The following ACOT1 variants were observed in gnomAD, a reference collection of about 807,000 sequenced individuals.
ACOT1 encodes acyl-coenzyme A thioesterase 1.
In ACOT1, 8 loss-of-function variants were observed where a neutral mutation model predicts 15.7. That is an observed-to-expected ratio of 0.51 (90% CI 0.30 to 0.92). The LOEUF (loss-of-function observed/expected upper bound fraction) is 0.92. ACOT1 is among the 40% of genes least tolerant of loss of function. ACOT1 has a pLI of 0.06. For missense variants in ACOT1, 151 were observed against 539.4 expected, an observed-to-expected ratio of 0.28 and a Z score of 7.13; for synonymous variants, 67 against 241.2, an observed-to-expected ratio of 0.28 and a Z score of 6.69.
chr14:73,502,949 G>C, the ACOT1 span: 1 of 1,614,064 alleles, frequency 6.2e-7, no homozygotes, highest in South Asian at 1.1e-5. Context: ...CGCCTGTGCA[G>C]CTGCTCTCCT....
chr14:73,522,565 C>G, the ACOT1 span: 1 of 1,614,162 alleles, frequency 6.2e-7, no homozygotes, highest in South Asian at 1.1e-5. Flanking sequence ...TGGCCTCCTT[C>G]TCAGGAGGCA....
the ACOT1 span, among the ~76,000 whole-genome samples, chr14:73,506,131 C>T: frequency 3.9e-5 from 6 of 152,080 alleles, no homozygotes; most frequent in Middle Eastern, 6.8e-3. Flanking sequence ...CCTCGTGATC[C>T]GCCTGCCTTG....
At chr14:73,492,149 A>T in the ACOT1 span, 1 of 1,613,956 alleles carries the variant, frequency 6.2e-7, no homozygotes, top group Non-Finnish European at 8.5e-7. This position sits in a 1 kb window ranked among gnomAD's most constrained non-coding sequence, Gnocchi z 4.9. Flanking sequence ...CCCCAACTTC[A>T]GTCAGGACGA....
upstream of ACOT1, among the ~76,000 whole-genome samples, chr14:73,532,891 C>T (rs1171620865): frequency 1.8e-5 from 2 of 112,666 alleles, no homozygotes; most frequent in Non-Finnish European, 1.9e-5. Flanking sequence ...GGTGGTGGAG[C>T]TTTCAGTGAG....
intron 1 of ACOT1, among the ~76,000 whole-genome samples, chr14:73,541,278 GGTT>G (rs1802027595): frequency 9.0e-6 from 1 of 110,552 alleles, no homozygotes; most frequent in African/African-American, 3.0e-5. Context: ...AGGACATTTG[GGTT>G]GTTTCCAGTC....
chr14:73,535,469 C>CTTTTTTTTTTT (rs869167008), upstream of ACOT1, among the ~76,000 whole-genome samples: 3 of 16,528 alleles, frequency 1.8e-4, no homozygotes, highest in Non-Finnish European at 5.5e-4. Context: ...TTTCTTCTTT[C>CTTTTTTTTTTT]TTTTTTTTTT....
At chr14:73,512,408 TG>T in the ACOT1 span, among the ~76,000 whole-genome samples, 1 of 152,212 alleles carries the variant, frequency 6.6e-6, no homozygotes, top group Non-Finnish European at 1.5e-5. Flanking sequence ...CACTTTTCGT[TG>T]TAACCATCTG....
the ACOT1 span, among the ~76,000 whole-genome samples, chr14:73,505,825 GA>G: frequency 1.3e-5 from 2 of 151,312 alleles, no homozygotes; most frequent in Admixed American, 1.3e-4. Context: ...TGGCGGGGGG[GA>G]AATATGTCAT....
the ACOT1 span, among the ~76,000 whole-genome samples, chr14:73,525,463 T>C: frequency 6.6e-6 from 1 of 152,170 alleles, no homozygotes; most frequent in Admixed American, 6.5e-5. Context: ...GCTTCATCTC[T>C]TCACAACCAT....
chr14:73,502,819 GC>G, the ACOT1 span: 1 of 1,096,990 alleles, frequency 9.1e-7, no homozygotes, highest in Non-Finnish European at 1.4e-6. Flanking sequence ...AGTGTTGGGA[GC>G]CACCTTGCCC....
chr14:73,496,540 G>A, the ACOT1 span: 1 of 1,000,058 alleles, frequency 1.0e-6, no homozygotes, highest in Non-Finnish European at 1.6e-6. Flanking sequence ...GGAGGACAGG[G>A]TCTGAGGAAC....
At chr14:73,518,657 C>T in the ACOT1 span, among the ~76,000 whole-genome samples, 1 of 152,162 alleles carries the variant, frequency 6.6e-6, no homozygotes, top group Non-Finnish European at 1.5e-5. Context: ...GTAGAGCCAG[C>T]CCAAGGGAAA....
At position 73,542,473 on chromosome 14, in the gene ACOT1, C is replaced by T. The variant is rs140094722; in HGVS notation, c.661-577C>T. Among the ~76,000 whole-genome samples, 694 of 96,598 alleles carry T rather than the reference C, an allele frequency of 7.2e-3. 166 individuals are homozygous for T. Among genetic ancestry groups the T allele is most frequent in the African/African-American group, 0.023 (643 of 27,796 alleles). The allele number at this position is 96,598 out of a possible 152,430, so 63.4% of individuals were successfully genotyped here. On this transcript the variant is annotated intron_variant, in intron 2 of 2. Coordinates refer to ENST00000311148, the MANE Select transcript of ACOT1 (RefSeq NM_001037161.2). ...AGGCTGGAGTGCAGTGGCATGATCT[C>T]GGCTTACTGCAACCTCCACCTCCCA...
At chr14:73,494,587 G>A in the ACOT1 span, among the ~76,000 whole-genome samples, 1 of 152,134 alleles carries the variant, frequency 6.6e-6, no homozygotes, top group East Asian at 1.9e-4. Context: ...GTCCCACTTT[G>A]TTGCCCAGGC....
the ACOT1 span, chr14:73,491,124 C>T: frequency 6.2e-7 from 1 of 1,607,664 alleles, no homozygotes; most frequent in Non-Finnish European, 8.5e-7. Flanking sequence ...CCCTTGAGGT[C>T]CAGGAAGATA....
the ACOT1 span, chr14:73,491,675 C>T: frequency 1.7e-5 from 26 of 1,549,896 alleles, no homozygotes; most frequent in East Asian, 5.9e-4. Context: ...TCACTTTTAC[C>T]GGCGCCTATG....
the ACOT1 span, chr14:73,512,035 G>C: frequency 3.3e-5 from 53 of 1,613,952 alleles, no homozygotes; most frequent in South Asian, 4.9e-4. Context: ...GGCAATCCGG[G>C]GCCGTTCCAA....
the ACOT1 span, chr14:73,506,402 T>G: frequency 8.8e-7 from 1 of 1,134,620 alleles, no homozygotes; most frequent in South Asian, 1.2e-5. Context: ...CAGCAAAAAG[T>G]AGAAGGCCTC....
chr14:73,523,339 G>A, the ACOT1 span: 1 of 575,940 alleles, frequency 1.7e-6, no homozygotes, highest in Non-Finnish European at 3.0e-6. Context: ...GTGGGGAAGA[G>A]CCATGTGAGT....
Sources: allele counts gnomAD v4.1 joint callset (sites outside exome capture counted in the v4.1 genomes callset), GRCh38; gene constraint gnomAD v4.1.1; non-coding constraint Gnocchi (gnomAD v3.1); transcripts MANE v1.5; gene names NCBI Gene and HGNC (gene_info 2026-07-23, HGNC 2026-07-21).